Variants in POFUT3 observed in about 807,000 individuals in gnomAD.
POFUT3 encodes GDP-fucose protein O-fucosyltransferase 3.
chr8:33,313,981 G>C, the POFUT3 span, among the ~76,000 whole-genome samples: 1 of 152,130 alleles, frequency 6.6e-6, no homozygotes, highest in Non-Finnish European at 1.5e-5. Context: ...AGCTGTGGCA[G>C]TCAGGACACA....
At chr8:33,438,954 C>T in the POFUT3 span, among the ~76,000 whole-genome samples, 1 of 74,902 alleles carries the variant, frequency 1.3e-5, no homozygotes, top group East Asian at 2.9e-4. Flanking sequence ...ATGGGAGCTA[C>T]AATTCAAGAG....
chr8:33,461,722 A>T, the POFUT3 span: 1 of 1,314,938 alleles, frequency 7.6e-7, no homozygotes, highest in African/African-American at 1.5e-5. Flanking sequence ...GAATCAAAAA[A>T]ATTCTGCAAC....
the POFUT3 span, chr8:33,372,798 G>A: frequency 6.2e-7 from 1 of 1,613,690 alleles, no homozygotes; most frequent in East Asian, 2.2e-5. Context: ...CTTTTGGGTG[G>A]TAAGCCCTGC....
the POFUT3 span, among the ~76,000 whole-genome samples, chr8:33,454,067 T>C: frequency 6.6e-6 from 1 of 152,140 alleles, no homozygotes; most frequent in Non-Finnish European, 1.5e-5. Context: ...TTAGAGGTTG[T>C]AGTGAACTAT....
the POFUT3 span, among the ~76,000 whole-genome samples, chr8:33,465,151 T>C: frequency 6.6e-6 from 1 of 152,196 alleles, no homozygotes; most frequent in Non-Finnish European, 1.5e-5. Flanking sequence ...TACCAAATTT[T>C]CATTTAATGT....
chr8:33,468,871 C>T, the POFUT3 span, among the ~76,000 whole-genome samples: 1 of 152,102 alleles, frequency 6.6e-6, no homozygotes, highest in African/African-American at 2.4e-5. Context: ...AAACAGGGAG[C>T]TCTGGGAAGA....
the POFUT3 span, among the ~76,000 whole-genome samples, chr8:33,348,960 A>T: frequency 6.6e-6 from 1 of 152,256 alleles, no homozygotes; most frequent in Non-Finnish European, 1.5e-5. Context: ...AACCTAAAAT[A>T]AGCAGCATAT....
the POFUT3 span, among the ~76,000 whole-genome samples, chr8:33,359,579 C>T: frequency 2.7e-3 from 407 of 152,132 alleles, no homozygotes; most frequent in Middle Eastern, 6.8e-3. Context: ...ACTCTACCAC[C>T]ACAAAAAGAA....
the POFUT3 span, among the ~76,000 whole-genome samples, chr8:33,318,554 AAT>A: frequency 5.7e-4 from 59 of 104,010 alleles, 1 homozygote; most frequent in Middle Eastern, 4.0e-3. Flanking sequence ...ATTTTATATA[AAT>A]ATATATATAA....
At chr8:33,338,116 T>A in the POFUT3 span, among the ~76,000 whole-genome samples, 1 of 152,230 alleles carries the variant, frequency 6.6e-6, no homozygotes, top group Admixed American at 6.5e-5. Flanking sequence ...AATCTCATTT[T>A]AATTGACTAC....
chr8:33,435,880 G>A, the POFUT3 span, among the ~76,000 whole-genome samples: 4 of 150,978 alleles, frequency 2.6e-5, no homozygotes, highest in Admixed American at 6.6e-5. Context: ...TTATCTCACC[G>A]GAGAGAAAAA....
At chr8:33,424,805 T>C in the POFUT3 span, among the ~76,000 whole-genome samples, 1 of 152,126 alleles carries the variant, frequency 6.6e-6, no homozygotes, top group East Asian at 1.9e-4. Context: ...TGCCCCCTCT[T>C]GTCGCCAAAT....
the POFUT3 span, among the ~76,000 whole-genome samples, chr8:33,413,363 TTCTCTC>T: frequency 6.7e-6 from 1 of 148,988 alleles, no homozygotes; most frequent in South Asian, 2.1e-4. Flanking sequence ...CTCACTCTCT[TTCTCTC>T]TCTCTCTCTC....
chr8:33,322,109 A>G, the POFUT3 span, among the ~76,000 whole-genome samples: 1 of 152,118 alleles, frequency 6.6e-6, no homozygotes, highest in Admixed American at 6.6e-5. Context: ...TGGAGCTATC[A>G]TTTGGTTTCA....
the POFUT3 span, chr8:33,460,783 A>AG: frequency 1.0e-6 from 1 of 983,240 alleles, no homozygotes; most frequent in African/African-American, 1.7e-5. Context: ...TGTTTAAAAA[A>AG]GGGGGGCAGG....
At chr8:33,408,533 A>G in the POFUT3 span, among the ~76,000 whole-genome samples, 53 of 152,166 alleles carry the variant, frequency 3.5e-4, 1 homozygote, top group African/African-American at 1.3e-3. Context: ...AGGACCTTCA[A>G]TTGCCTCAGC....
the POFUT3 span, among the ~76,000 whole-genome samples, chr8:33,345,747 G>A: frequency 0.019 from 2,860 of 151,934 alleles, 84 homozygotes; most frequent in African/African-American, 0.067. Flanking sequence ...GGAGGTACCA[G>A]CATGATGGCA....
the POFUT3 span, among the ~76,000 whole-genome samples, chr8:33,327,196 T>G: frequency 6.6e-6 from 1 of 152,190 alleles, no homozygotes; most frequent in Non-Finnish European, 1.5e-5. Context: ...CTGGCCTCGT[T>G]TGCTGAAGAG....
At chr8:33,456,436 C>T in the POFUT3 span, among the ~76,000 whole-genome samples, 1 of 152,076 alleles carries the variant, frequency 6.6e-6, no homozygotes, top group African/African-American at 2.4e-5. Context: ...CAGCCTACTG[C>T]AGCCTCCTCT....
Sources: allele counts gnomAD v4.1 joint callset (sites outside exome capture counted in the v4.1 genomes callset), GRCh38; gene constraint gnomAD v4.1.1; transcripts MANE v1.5; gene names NCBI Gene and HGNC (gene_info 2026-07-23, HGNC 2026-07-21).